Variants in ANK2 observed in about 807,000 individuals in gnomAD.
The protein encoded by ANK2 is ankyrin-2.
In ANK2, 83 loss-of-function variants were observed where a neutral mutation model predicts 360.5. The ratio of observed to expected loss-of-function variants is 0.23; its 90% CI spans 0.19 to 0.28. ANK2 has a LOEUF of 0.28. Among genes scored for constraint, ANK2 ranks in the 10% least tolerant of loss-of-function variants. The pLI is 1.00. For missense variants in ANK2, 4,201 were observed against 4,795.7 expected, an observed-to-expected ratio of 0.88 and a Z score of 3.66; for synonymous variants, 1,740 against 1,759.5, an observed-to-expected ratio of 0.99 and a Z score of 0.28.
chr4:113,329,857 A>G (rs1229792474), intron 26 of ANK2, among the ~76,000 whole-genome samples: 1 of 152,206 alleles, frequency 6.6e-6, no homozygotes, highest in Non-Finnish European at 1.5e-5. Flanking sequence ...TAGATTTTTT[A>G]GGATGTACAC....
upstream of ANK2, among the ~76,000 whole-genome samples, chr4:112,817,101 C>T (rs1018835610): frequency 2.0e-5 from 3 of 152,120 alleles, no homozygotes; most frequent in Non-Finnish European, 4.4e-5. Flanking sequence ...GCTGTCTAAG[C>T]GGGCTATGAT....
chr4:113,309,802 G>A (rs1247257605), intron 23 of ANK2, among the ~76,000 whole-genome samples: 1 of 152,138 alleles, frequency 6.6e-6, no homozygotes, highest in Non-Finnish European at 1.5e-5. Context: ...TTACAGGTGT[G>A]AACCACTGTA....
chr4:112,850,477 G>GT (rs78597866), intron 1 of ANK2, among the ~76,000 whole-genome samples: 4,528 of 44,990 alleles, frequency 0.1, 366 homozygotes, highest in Non-Finnish European at 0.15. Flanking sequence ...AGTGCCTCCA[G>GT]TTTTTTTTAA....
chr4:112,752,655 C>T, the ANK2 span, among the ~76,000 whole-genome samples: 2 of 151,504 alleles, frequency 1.3e-5, no homozygotes. Context: ...CAGGCCTGAA[C>T]CACTGCACCT....
intron 1 of ANK2, among the ~76,000 whole-genome samples, chr4:113,050,370 A>G (rs899272123): frequency 2.0e-5 from 3 of 152,116 alleles, no homozygotes; most frequent in Non-Finnish European, 2.9e-5. Flanking sequence ...TTTCCCAGAC[A>G]TTAGTGTGAT....
intron 26 of ANK2, among the ~76,000 whole-genome samples, chr4:113,320,736 A>G (rs1381154178): frequency 6.6e-6 from 1 of 152,214 alleles, no homozygotes; most frequent in Non-Finnish European, 1.5e-5. Flanking sequence ...TGGCATTGAT[A>G]CTGTCTACAA....
chr4:113,204,019 A>T (rs1232568005), intron 4 of ANK2, among the ~76,000 whole-genome samples: 41 of 152,184 alleles, frequency 2.7e-4, no homozygotes. Context: ...AAAATGAAGG[A>T]TATTCTGCTG....
intron 4 of ANK2, among the ~76,000 whole-genome samples, chr4:113,211,278 C>T (rs550684788): frequency 6.6e-6 from 1 of 152,278 alleles, no homozygotes; most frequent in East Asian, 1.9e-4. Flanking sequence ...GTTCATAACT[C>T]ACTAACATTT....
chr4:113,021,018 A>G (rs1449737553), intron 2 of ANK2, among the ~76,000 whole-genome samples: 1 of 152,156 alleles, frequency 6.6e-6, no homozygotes. Flanking sequence ...GTTATGAGGC[A>G]GGGGCTATAG....
chr4:113,248,093 C>T (rs1384320937), intron 9 of ANK2, among the ~76,000 whole-genome samples: 1 of 152,132 alleles, frequency 6.6e-6, no homozygotes, highest in Non-Finnish European at 1.5e-5. Flanking sequence ...CTTAGGTACC[C>T]AAAACTGCAA....
chr4:112,723,781 A>G, the ANK2 span, among the ~76,000 whole-genome samples: 4 of 152,360 alleles, frequency 2.6e-5, no homozygotes, highest in East Asian at 7.7e-4. Context: ...CTAACAACAA[A>G]GGTCACAGTT....
chr4:112,824,990 C>T (rs1246503306), intron 1 of ANK2, among the ~76,000 whole-genome samples: 1 of 151,964 alleles, frequency 6.6e-6, no homozygotes. Flanking sequence ...ACATATACAC[C>T]ATGGAATATT....
chr4:112,781,589 C>T, the ANK2 span, among the ~76,000 whole-genome samples: 1 of 151,998 alleles, frequency 6.6e-6, no homozygotes, highest in Non-Finnish European at 1.5e-5. Flanking sequence ...AATTGTAAAG[C>T]ATGGCCTTAT....
chr4:112,901,203 C>G (rs973353033), intron 1 of ANK2, among the ~76,000 whole-genome samples: 27 of 152,114 alleles, frequency 1.8e-4, no homozygotes, highest in African/African-American at 6.0e-4. Context: ...AGAGTGACCA[C>G]TTTTAGCCCC....
intron 33 of ANK2, among the ~76,000 whole-genome samples, chr4:113,342,206 C>A (rs2094375849): frequency 1.3e-5 from 2 of 152,246 alleles, no homozygotes; most frequent in South Asian, 4.1e-4. Flanking sequence ...GACTGTAGTA[C>A]TTTAGATGTT....
chr4:113,301,298 G>A (rs189831542), intron 22 of ANK2, among the ~76,000 whole-genome samples: 158 of 151,428 alleles, frequency 1.0e-3, no homozygotes, highest in Non-Finnish European at 1.8e-3. Flanking sequence ...TGTTTTTGGG[G>A]TACACATATC....
At chr4:113,021,479 A>G (rs2154297807) in intron 2 of ANK2, among the ~76,000 whole-genome samples, 2 of 147,054 alleles carry the variant, frequency 1.4e-5, no homozygotes, top group South Asian at 4.4e-4. Flanking sequence ...ATATATAAGT[A>G]CGTATGTGTA....
intron 43 of ANK2, among the ~76,000 whole-genome samples, chr4:113,372,142 C>T (rs1042038498): frequency 6.6e-6 from 1 of 152,152 alleles, no homozygotes; most frequent in Non-Finnish European, 1.5e-5. Flanking sequence ...AATTCCAAGC[C>T]TAAGCACCAG....
At position 113,359,016 on chromosome 4, in the gene ANK2, T is replaced by C; in HGVS notation, c.10398T>C (p.His3466=). 6.2e-7 allele frequency: 1 copy of C among 1,614,078 alleles called. No homozygotes were observed. Among genetic ancestry groups the C allele is most frequent in the Non-Finnish European group, 8.5e-7 (1 of 1,179,958 alleles). ...GCCCCACAAAAGAAAGTAAGGAGCA[T>C]TTCTTTGACCTTTACAGAAATTCCA... ...GTSPTKESKE[H]FFDLYRNSIE... is the part of the protein sequence containing the mutation. Residue 3466 remains histidine, a synonymous_variant, in exon 38 of 46, where the codon CAT becomes CAC. Coordinates refer to ENST00000357077, the MANE Select transcript of ANK2 (RefSeq NM_001148.6).
Sources: allele counts gnomAD v4.1 joint callset (sites outside exome capture counted in the v4.1 genomes callset), GRCh38; gene constraint gnomAD v4.1.1; transcripts MANE v1.5; gene names NCBI Gene and HGNC (gene_info 2026-07-23, HGNC 2026-07-21).